ABLIM2: variants seen among roughly 807,000 people sequenced by gnomAD.
ABLIM2 encodes the protein actin-binding LIM protein 2.
Under a neutral mutation model 97.7 loss-of-function variants are expected in ABLIM2, and 53 were observed. The ratio of observed to expected loss-of-function variants is 0.54; its 90% CI spans 0.44 to 0.68. ABLIM2 has a LOEUF of 0.68. Among genes scored for constraint, ABLIM2 ranks in the 30% least tolerant of loss-of-function variants. The pLI, the probability that ABLIM2 is intolerant of heterozygous loss-of-function variation, is 0.00. For missense variants in ABLIM2, 835 were observed against 867.2 expected (o/e 0.96, Z 0.47); for synonymous variants, 361 against 345.8 (o/e 1.04, Z -0.49).
intron 11 of ABLIM2, among the ~76,000 whole-genome samples, chr4:8,029,270 A>G (rs1389020044): frequency 6.6e-6 from 1 of 152,160 alleles, no homozygotes; most frequent in Non-Finnish European, 1.5e-5. Context: ...CGAGACCCAC[A>G]TGAGCTTGCA....
At position 8,061,859 on chromosome 4, in the gene ABLIM2, A is replaced by ACTT. The variant is rs1803317891; in HGVS notation, c.676-806_676-805insAAG. Among the ~76,000 whole-genome samples the ACTT allele has an allele frequency of 6.6e-6, 1 of 152,148 alleles. No individual in the cohort carries two copies. Among genetic ancestry groups the ACTT allele is most frequent in the Non-Finnish European group, 1.5e-5 (1 of 68,034 alleles). ...TAACCAGTTTCCTGAATCAGTAAGT[A>ACTT]AAGGGCTGAAATGTCATTTTGAGCA... is the stretch of plus-strand genomic sequence containing the variant. On this transcript the variant is annotated intron_variant, in intron 6 of 20. Coordinates refer to ENST00000447017, the MANE Select transcript of ABLIM2 (RefSeq NM_001130083.2). The surrounding 1 kb of genome is among the most constrained non-coding windows in gnomAD (Gnocchi z 4.5).
At chr4:8,138,137 T>C (rs529336966) in intron 1 of ABLIM2, among the ~76,000 whole-genome samples, 70 of 151,056 alleles carry the variant, frequency 4.6e-4, no homozygotes, top group African/African-American at 1.6e-3. Flanking sequence ...ACAGAAGGAA[T>C]GGGAGTGACA....
rs1811891970 is a variant in ABLIM2, at chr4:8,071,356, C to G, written c.675+6272G>C. On this transcript the variant is annotated intron_variant, in intron 6 of 20. Coordinates refer to ENST00000447017, the MANE Select transcript of ABLIM2 (RefSeq NM_001130083.2). The surrounding 1 kb of genome is among the most constrained non-coding windows in gnomAD (Gnocchi z 6.2). ...GAGCCGGCTCATCAGGACAGACACC[C>G]AGAGATGGGTGGGATGCAGGCCAAC... is the stretch of plus-strand genomic sequence containing the variant. Among the ~76,000 whole-genome samples the G allele has an allele frequency of 6.6e-6, 1 of 152,150 alleles. No homozygotes were observed. The highest frequency in any genetic ancestry group is 1.5e-5 in the Non-Finnish European group (1 of 68,020).
At chr4:8,129,765 C>T in intron 1 of ABLIM2, among the ~76,000 whole-genome samples, 1 of 152,122 alleles carries the variant, frequency 6.6e-6, no homozygotes, top group Non-Finnish European at 1.5e-5. Context: ...GCTCTGGGGC[C>T]CTGGGAGGGC....
At position 7,983,322 on chromosome 4, in the gene ABLIM2, A is replaced by G. The variant is rs758403367; in HGVS notation, c.1766T>C (p.Ile589Thr). ...TTTCACGCGAATTCGGTTTGTGACG[A>G]TGAGGGAGTCATACGGATAGATCTG... Reference protein sequence around the residue: ...EYKIYPYDSLIVTNRIRVKLP... With the variant: ...EYKIYPYDSLTVTNRIRVKLP... The change falls in exon 20 of 21, where the codon ATC becomes ACC. Residue 589 changes from isoleucine to threonine, a missense_variant. Transcript: ENST00000447017. The G allele has an allele frequency of 6.2e-7, 1 of 1,612,422 alleles. No individual in the cohort carries two copies. The highest frequency in any genetic ancestry group is 1.1e-5 in the South Asian group (1 of 90,396).
chr4:7,980,941 A>ATCTTTTTTTTTTTTTTTTTTTTTTTTTT lies in ABLIM2; in HGVS notation c.1824+2322_1824+2323insAAAAAAAAAAAAAAAAAAAAAAAAAAGA, dbSNP rs1483414043. ...AGAACCATGGTCTCCACAACCCCTTATTTTTTTTTTTTTTTTTTTTGAGAT... is the reference window on the plus strand; with the variant it reads ...AGAACCATGGTCTCCACAACCCCTTATCTTTTTTTTTTTTTTTTTTTTTTTTTTTTTTTTTTTTTTTTTTTTTTGAGAT... On this transcript the variant is annotated intron_variant, in intron 20 of 20. Transcript: ENST00000447017. Among the ~76,000 whole-genome samples, 58 of 82,976 alleles carry ATCTTTTTTTTTTTTTTTTTTTTTTTTTT rather than the reference A, an allele frequency of 7.0e-4. 1 individual carries two copies. The highest frequency in any genetic ancestry group is 8.5e-4 in the Non-Finnish European group (41 of 48,026). The allele number at this position is 82,976 out of a possible 152,430, so 54.4% of individuals were successfully genotyped here. A position where few individuals can be genotyped will look rare whatever the true frequency, so the allele number is the denominator to read the frequency against.
intron 2 of ABLIM2, among the ~76,000 whole-genome samples, chr4:8,105,837 G>A (rs1837099195): frequency 6.6e-6 from 1 of 152,240 alleles, no homozygotes; most frequent in Non-Finnish European, 1.5e-5. Context: ...ATTAGCAAGG[G>A]CACATGCGTT....
rs1219874895 is a variant in ABLIM2 at position 7,999,481 on chromosome 4, G to A, written c.1619-6554C>T. Among the ~76,000 whole-genome samples the A allele has an allele frequency of 6.6e-6, 1 of 152,210 alleles. No homozygotes were observed. The highest frequency in any genetic ancestry group is 1.5e-5 in the Non-Finnish European group (1 of 68,038). On this transcript the variant is annotated intron_variant, in intron 16 of 20. Coordinates refer to ENST00000447017, the MANE Select transcript of ABLIM2 (RefSeq NM_001130083.2). This position sits in a 1 kb window ranked among gnomAD's most constrained non-coding sequence, Gnocchi z 4.4. ...AAGCTGAGACCTAATGATATCAAGC[G>A]ATCTGTTCAAGGTCAAACAGTTACT...
At chr4:8,038,848 G>A in intron 9 of ABLIM2, among the ~76,000 whole-genome samples, 1 of 152,088 alleles carries the variant, frequency 6.6e-6, no homozygotes, top group Admixed American at 6.5e-5. Context: ...GAACTCTGGC[G>A]CTTGTTTACC....
chr4:8,072,052 G>A lies in ABLIM2; in HGVS notation c.675+5576C>T. ...ACCCGGGGAGGATGCTCAGAGCTGT[G>A]CAGAGCCCGCCGACTCAGCCACGCC... On this transcript the variant is annotated intron_variant, in intron 6 of 20. Transcript: ENST00000447017. The surrounding 1 kb of genome is among the most constrained non-coding windows in gnomAD (Gnocchi z 5.8). 1.0e-6 allele frequency: 1 copy of A among 985,450 alleles called. No homozygotes were observed. The highest frequency in any genetic ancestry group is 1.2e-6 in the Non-Finnish European group (1 of 829,970). 61.0% of individuals were successfully genotyped at this position (985,450 alleles called of 1,614,324 possible).
At chr4:8,093,525 T>C (rs1226412265) in intron 3 of ABLIM2, among the ~76,000 whole-genome samples, 1 of 152,178 alleles carries the variant, frequency 6.6e-6, no homozygotes. Flanking sequence ...ATATTCAGAG[T>C]TGTGCAACTA....
intron 2 of ABLIM2, among the ~76,000 whole-genome samples, chr4:8,100,585 A>G (rs545436804): frequency 1.3e-5 from 2 of 152,098 alleles, no homozygotes; most frequent in Middle Eastern, 6.8e-3. Flanking sequence ...CGACTCCACT[A>G]AAAATGCAAA....
rs532361429 is a variant in ABLIM2 at position 8,154,893 on chromosome 4, G to A, written c.10+3787C>T. 6.4e-4 allele frequency among the ~76,000 whole-genome samples: 98 copies of A among 152,352 alleles called. No homozygotes were observed. In the Middle Eastern group the frequency reaches 0.02, roughly 32 times the overall value. On this transcript the variant is annotated intron_variant, in intron 1 of 20. Coordinates refer to ENST00000447017, the MANE Select transcript of ABLIM2 (RefSeq NM_001130083.2). ...GCTAGGGAGGCCTCGCAATCATGGC[G>A]GAAGACGAAGGAGGGGCAAAGGGAC... is the stretch of plus-strand genomic sequence containing the variant.
rs1038351134 is a variant in ABLIM2, at chr4:8,058,160, G to C, written c.763+2807C>G. On this transcript the variant is annotated intron_variant, in intron 7 of 20. Coordinates refer to ENST00000447017, the MANE Select transcript of ABLIM2 (RefSeq NM_001130083.2). This position sits in a 1 kb window ranked among gnomAD's most constrained non-coding sequence, Gnocchi z 4.2. ...TGCTGTCCCAAGGCCATTGTGCTCAGTGTCCACCGTGCCCCACTGTCTAAG... is the reference window on the plus strand; with the variant it reads ...TGCTGTCCCAAGGCCATTGTGCTCACTGTCCACCGTGCCCCACTGTCTAAG... 6.6e-6 allele frequency among the ~76,000 whole-genome samples: 1 copy of C among 152,236 alleles called. No homozygotes were observed. The highest frequency in any genetic ancestry group is 1.5e-5 in the Non-Finnish European group (1 of 68,032).
chr4:8,045,151 G>C lies in ABLIM2; in HGVS notation c.900+13C>G, dbSNP rs762054517. 1.2e-6 allele frequency: 2 copies of C among 1,612,464 alleles called. No homozygotes were observed. Among genetic ancestry groups the C allele is most frequent in the African/African-American group, 2.7e-5 (2 of 74,898 alleles). ...CCTCCCACCGCCGTCCCCATAAAAA[G>C]GCCCTGACTTACATAAATCACACGG... is the stretch of plus-strand genomic sequence containing the variant. On this transcript the variant is annotated intron_variant, in intron 9 of 20. Coordinates refer to ENST00000447017, the MANE Select transcript of ABLIM2 (RefSeq NM_001130083.2).
chr4:8,106,907 G>A (rs150292169), intron 1 of ABLIM2, among the ~76,000 whole-genome samples: 1 of 152,230 alleles, frequency 6.6e-6, no homozygotes, highest in Non-Finnish European at 1.5e-5. Flanking sequence ...CCCATGCAGG[G>A]AGGGGCCCGT....
At chr4:8,062,193 T>C (rs1803638747) in intron 6 of ABLIM2, among the ~76,000 whole-genome samples, 1 of 152,108 alleles carries the variant, frequency 6.6e-6, no homozygotes, top group Non-Finnish European at 1.5e-5. Context: ...TCTGAACCCT[T>C]CCCCAATCTG....
chr4:8,128,779 A>G lies in ABLIM2; in HGVS notation c.11-22142T>C, dbSNP rs12505435. Among the ~76,000 whole-genome samples, 21,846 of 152,114 alleles carry G rather than the reference A, an allele frequency of 0.14. 1,646 individuals carry two copies. Among genetic ancestry groups the G allele is most frequent in the Middle Eastern group, 0.27 (78 of 292 alleles). On this transcript the variant is annotated intron_variant, in intron 1 of 20. Coordinates refer to ENST00000447017, the MANE Select transcript of ABLIM2 (RefSeq NM_001130083.2). This position sits in a 1 kb window ranked among gnomAD's most constrained non-coding sequence, Gnocchi z 4.9. The stretch of plus-strand genomic sequence containing the variant: ...ATTAGGTCTTGCAGGTGGAGCCCTC[A>G]TCATGGGATGAGTGCCCTTGTAAGA...
chr4:8,158,499 G>A (rs1006532075), intron 1 of ABLIM2, among the ~76,000 whole-genome samples, 181 bp downstream of exon 1: 4 of 152,082 alleles, frequency 2.6e-5, no homozygotes, highest in East Asian at 3.9e-4. Context: ...CGCGCTCCGG[G>A]CGCAGGGCAG....
Sources: allele counts gnomAD v4.1 joint callset (sites outside exome capture counted in the v4.1 genomes callset), GRCh38; gene constraint gnomAD v4.1.1; non-coding constraint Gnocchi (gnomAD v3.1); transcripts MANE v1.5; gene names NCBI Gene and HGNC (gene_info 2026-07-23, HGNC 2026-07-21).